MELK: variants seen among roughly 807,000 people sequenced by gnomAD.
MELK encodes the protein maternal embryonic leucine zipper kinase, also known as pEg3 kinase.
A neutral mutation model predicts 85.0 loss-of-function variants in MELK; 81 were observed. That is an observed-to-expected ratio of 0.95 (90% CI 0.80 to 1.15). MELK has a LOEUF of 1.15. MELK is among the 50% of genes most tolerant of loss of function. The pLI is 0.00. For missense variants in MELK, 754 were observed against 777.5 expected, an observed-to-expected ratio of 0.97 and a Z score of 0.36; for synonymous variants, 252 against 265.0, an observed-to-expected ratio of 0.95 and a Z score of 0.48.
chr9:36,668,369 G>A (rs866191031), intron 14 of MELK, among the ~76,000 whole-genome samples: 1 of 151,962 alleles, frequency 6.6e-6, no homozygotes, highest in Admixed American at 6.6e-5. Flanking sequence ...TCTCTAAAGG[G>A]TATAAAACTT....
At chr9:36,616,031 G>T (rs1384112805) in intron 8 of MELK, among the ~76,000 whole-genome samples, 4 of 152,138 alleles carry the variant, frequency 2.6e-5, no homozygotes, top group African/African-American at 9.7e-5. Context: ...GGGCCCCGCG[G>T]GGCCCGTCCG....
At chr9:36,671,717 ATATTT>A (rs1264334833) in intron 16 of MELK, among the ~76,000 whole-genome samples, 1 of 152,232 alleles carries the variant, frequency 6.6e-6, no homozygotes, top group African/African-American at 2.4e-5. Context: ...TGTGGACAAT[ATATTT>A]AGTCAAGGAA....
chr9:36,659,141 A>G (rs147528916), intron 13 of MELK, among the ~76,000 whole-genome samples: 6,622 of 152,060 alleles, frequency 0.044, 435 homozygotes, highest in East Asian at 0.25. Context: ...TCGGCCTCCC[A>G]AAGTGCTGGG....
intron 8 of MELK, among the ~76,000 whole-genome samples, chr9:36,626,909 A>G (rs990614608): frequency 6.6e-6 from 1 of 151,498 alleles, no homozygotes; most frequent in African/African-American, 2.4e-5. Context: ...CAGTGAGCCA[A>G]GATCACTCAT....
chr9:36,660,189 T>C (rs1476153761), intron 13 of MELK, among the ~76,000 whole-genome samples: 1 of 152,230 alleles, frequency 6.6e-6, no homozygotes, highest in African/African-American at 2.4e-5. Flanking sequence ...CCTGGTATAT[T>C]TTGGAGCTTT....
chr9:36,652,337 G>T (rs1352916609), intron 12 of MELK, among the ~76,000 whole-genome samples: 2 of 151,206 alleles, frequency 1.3e-5, no homozygotes, highest in East Asian at 3.9e-4. Context: ...ATGAGCCACC[G>T]TGCCCGGCCT....
chr9:36,610,866 T>C (rs1048905643), intron 8 of MELK, among the ~76,000 whole-genome samples: 8 of 152,222 alleles, frequency 5.3e-5, no homozygotes, highest in African/African-American at 1.9e-4. Flanking sequence ...CTCTTTTTGC[T>C]ACTTTTTTCT....
At chr9:36,635,480 T>G (rs1254851378) in intron 10 of MELK, among the ~76,000 whole-genome samples, 2 of 152,100 alleles carry the variant, frequency 1.3e-5, no homozygotes, top group Non-Finnish European at 2.9e-5. Flanking sequence ...GCCAGGCTGG[T>G]CTTGAACTCC....
At chr9:36,657,905 TATA>T (rs2137506451) in intron 13 of MELK, among the ~76,000 whole-genome samples, 1 of 152,286 alleles carries the variant, frequency 6.6e-6, no homozygotes, top group South Asian at 2.1e-4. Context: ...TAAAATGAGG[TATA>T]ATGAGGTATA....
rs1220586294 is a variant in MELK at position 36,595,611 on chromosome 9, T to G, written c.405+840T>G. Among the ~76,000 whole-genome samples, 5 of 149,300 alleles carry G rather than the reference T, an allele frequency of 3.3e-5. No homozygotes were observed. The East Asian group carries it at 8.0e-4, about 24-fold the overall frequency. On this transcript the variant is annotated intron_variant, in intron 5 of 17. Transcript: ENST00000298048. ...GTGACTTTATAAATGTCTTGTTTTT[T>G]TTTTTTTTTTTTTAAGCAAGATCTC...
chr9:36,602,177 C>A (rs958729679), intron 7 of MELK, among the ~76,000 whole-genome samples: 6 of 152,066 alleles, frequency 3.9e-5, no homozygotes, highest in African/African-American at 1.2e-4. Flanking sequence ...CACCATCTTA[C>A]ATTTTCACCA....
chr9:36,608,009 G>A (rs1263920784), intron 8 of MELK, among the ~76,000 whole-genome samples: 5 of 152,050 alleles, frequency 3.3e-5, no homozygotes, highest in Admixed American at 2.6e-4. Flanking sequence ...GGCCGGGCGC[G>A]GTGGCTCACG....
chr9:36,575,168 AC>A (rs978450722), intron 1 of MELK, among the ~76,000 whole-genome samples: 2 of 151,788 alleles, frequency 1.3e-5, no homozygotes, highest in African/African-American at 4.8e-5. Flanking sequence ...AATTATATAT[AC>A]CCCCAATTCT....
chr9:36,669,355 A>G lies in MELK; in HGVS notation c.1454A>G (p.Asn485Ser), dbSNP rs972040202. ...LKETPIKIPV[N>S]STGTDKLMTG... ...GAAACTCCAATTAAAATACCAGTAA[A>G]TTCAACAGGAACAGACAAGTTAATG... The change falls in exon 15 of 18, where the codon AAT becomes AGT. Residue 485 changes from asparagine to serine, a missense_variant. Physicochemically the swap from Asn to Ser is conservative, Grantham distance 46. Transcript: ENST00000298048. 3 of 1,609,220 alleles carry G rather than the reference A, an allele frequency of 1.9e-6. No individual in the cohort carries two copies. The highest frequency in any genetic ancestry group is 2.5e-6 in the Non-Finnish European group (3 of 1,178,336).
At chr9:36,576,346 T>G (rs369615394) in intron 1 of MELK, among the ~76,000 whole-genome samples, 23 of 152,356 alleles carry the variant, frequency 1.5e-4, no homozygotes, top group African/African-American at 5.3e-4. Context: ...GATCTCTTCC[T>G]AGGAAATGGC....
intron 11 of MELK, among the ~76,000 whole-genome samples, chr9:36,650,065 T>C (rs1280720639): frequency 1.3e-5 from 2 of 151,934 alleles, no homozygotes; most frequent in Non-Finnish European, 2.9e-5. Context: ...TGCCTCAGCT[T>C]CCTGAGTAGC....
At chr9:36,667,991 A>G (rs1832544615) in intron 14 of MELK, among the ~76,000 whole-genome samples, 1 of 152,078 alleles carries the variant, frequency 6.6e-6, no homozygotes, top group Non-Finnish European at 1.5e-5. Context: ...CTGCTCTCGA[A>G]ACTCTTGACC....
intron 13 of MELK, among the ~76,000 whole-genome samples, chr9:36,659,894 G>A (rs912472503): frequency 1.3e-5 from 2 of 152,190 alleles, no homozygotes; most frequent in African/African-American, 2.4e-5. Context: ...TCGCCTCCTG[G>A]GTTCAAGCAA....
chr9:36,646,160 CAAT>C (rs1431008027), intron 11 of MELK, among the ~76,000 whole-genome samples: 1 of 152,146 alleles, frequency 6.6e-6, no homozygotes, highest in Admixed American at 6.6e-5. Flanking sequence ...GGTCAGATGT[CAAT>C]AGTGCCAAGG....
Sources: gnomAD v4.1 joint callset for allele counts (sites outside exome capture counted in the v4.1 genomes callset) on GRCh38, gnomAD v4.1.1 for gene constraint, MANE v1.5 for transcripts, NCBI Gene and HGNC (gene_info 2026-07-23, HGNC 2026-07-21) for gene names.